The following RALGPS2 variants were observed in gnomAD, a reference collection of about 807,000 sequenced individuals.
RALGPS2 encodes ras-specific guanine nucleotide-releasing factor RalGPS2.
A neutral mutation model predicts 86.8 loss-of-function variants in RALGPS2; 43 were observed. That is an observed-to-expected ratio of 0.50 (90% CI 0.39 to 0.64). The LOEUF (loss-of-function observed/expected upper bound fraction) is 0.64. Among genes scored for constraint, RALGPS2 ranks in the 30% least tolerant of loss-of-function variants. RALGPS2 has a pLI of 0.00. For missense variants in RALGPS2, 536 were observed against 694.6 expected, an observed-to-expected ratio of 0.77 and a Z score of 2.57; for synonymous variants, 243 against 231.3, an observed-to-expected ratio of 1.05 and a Z score of -0.46.
At position 178,916,659 on chromosome 1, in the gene RALGPS2, G is replaced by A. The variant is rs1322145947; in HGVS notation, c.*300G>A. ...ACCAACATGAAACACCAAATAGTGT[G>A]TGTGAATCTTCTGGCGGTGCTGTGC... On this transcript the variant is annotated 3_prime_UTR_variant, in exon 20 of 20. Transcript: ENST00000367635. 1 of 348,838 alleles carries A rather than the reference G, an allele frequency of 2.9e-6. No homozygotes were observed. Among genetic ancestry groups the A allele is most frequent in the Non-Finnish European group, 5.1e-6 (1 of 195,930 alleles). The allele number at this position is 348,838 out of a possible 1,614,324, so 21.6% of individuals were successfully genotyped here.
chr1:178,905,859 C>G (rs1328793236), intron 18 of RALGPS2, among the ~76,000 whole-genome samples: 1 of 152,066 alleles, frequency 6.6e-6, no homozygotes, highest in African/African-American at 2.4e-5. Context: ...AAATGAATAT[C>G]TAATTTCTTA....
At chr1:178,728,173 C>T (rs77229806) in intron 1 of RALGPS2, among the ~76,000 whole-genome samples, 123 of 152,136 alleles carry the variant, frequency 8.1e-4, no homozygotes, top group Non-Finnish European at 1.5e-3. Context: ...AATATTCTCT[C>T]GGCATTTATT....
intron 18 of RALGPS2, among the ~76,000 whole-genome samples, 175 bp downstream of exon 18, chr1:178,902,386 G>C (rs1039428883): frequency 3.9e-5 from 6 of 152,024 alleles, no homozygotes; most frequent in African/African-American, 4.8e-5. Flanking sequence ...TATTTGTGTA[G>C]TTTTATCTAT....
chr1:178,884,066 G>A (rs1314169434), intron 11 of RALGPS2, among the ~76,000 whole-genome samples: 1 of 152,070 alleles, frequency 6.6e-6, no homozygotes, highest in Non-Finnish European at 1.5e-5. Context: ...ATAGATAGAT[G>A]CAACAGATGG....
intron 1 of RALGPS2, among the ~76,000 whole-genome samples, chr1:178,754,769 C>T (rs1479716523): frequency 6.6e-6 from 1 of 152,156 alleles, no homozygotes; most frequent in Non-Finnish European, 1.5e-5. Context: ...TCCTATATAC[C>T]TTCTACTAAA....
At chr1:178,738,248 G>A (rs1356084586) in intron 1 of RALGPS2, among the ~76,000 whole-genome samples, 4 of 125,240 alleles carry the variant, frequency 3.2e-5, no homozygotes, top group East Asian at 2.4e-4. Context: ...TCACTCTGTC[G>A]CCCAGGCTGG....
intron 19 of RALGPS2, among the ~76,000 whole-genome samples, chr1:178,911,593 A>C (rs1660628418): frequency 6.6e-6 from 1 of 152,114 alleles, no homozygotes; most frequent in South Asian, 2.1e-4. Flanking sequence ...GTATGATTTC[A>C]ATTTTTTTGA....
chr1:178,809,470 T>C (rs1440517995), intron 5 of RALGPS2, among the ~76,000 whole-genome samples: 1 of 152,150 alleles, frequency 6.6e-6, no homozygotes, highest in Non-Finnish European at 1.5e-5. Context: ...TATTTCCTTA[T>C]TTGTTTTTGA....
At chr1:178,885,570 A>G (rs1659446318) in intron 12 of RALGPS2, 4 of 192,546 alleles carry the variant, frequency 2.1e-5, no homozygotes, top group Non-Finnish European at 4.2e-5. Flanking sequence ...TAACAGCTAT[A>G]AAAATTATTT....
At chr1:178,875,662 C>T (rs1195562375) in intron 8 of RALGPS2, among the ~76,000 whole-genome samples, 2 of 151,944 alleles carry the variant, frequency 1.3e-5, no homozygotes, top group Non-Finnish European at 2.9e-5. Flanking sequence ...GCACAAGAAT[C>T]ACTTGAACCC....
chr1:178,742,470 A>G (rs1651089848), intron 1 of RALGPS2, among the ~76,000 whole-genome samples: 1 of 152,200 alleles, frequency 6.6e-6, no homozygotes, highest in Non-Finnish European at 1.5e-5. Flanking sequence ...ACAAAAACGG[A>G]TAGTATTCAA....
intron 1 of RALGPS2, among the ~76,000 whole-genome samples, chr1:178,770,522 T>TTTTTC (rs1298263764): frequency 6.7e-6 from 1 of 150,018 alleles, no homozygotes; most frequent in Non-Finnish European, 1.5e-5. Flanking sequence ...TTTTTTTTTT[T>TTTTTC]TTTTCTGAGA....
chr1:178,907,589 C>T (rs192563676), intron 19 of RALGPS2, among the ~76,000 whole-genome samples: 51 of 152,246 alleles, frequency 3.3e-4, no homozygotes, highest in African/African-American at 7.2e-5. Flanking sequence ...AGTTGAACCA[C>T]AGATTGGTAG....
intron 1 of RALGPS2, among the ~76,000 whole-genome samples, chr1:178,743,811 T>G (rs372353729): frequency 5.9e-5 from 9 of 152,110 alleles, no homozygotes; most frequent in African/African-American, 2.2e-4. Context: ...ATATACAACC[T>G]GAAATAACCC....
chr1:178,851,817 T>G lies in RALGPS2; in HGVS notation c.607+18267T>G, dbSNP rs201841672. On this transcript the variant is annotated intron_variant, in intron 8 of 19. Coordinates refer to ENST00000367635, the MANE Select transcript of RALGPS2 (RefSeq NM_152663.5). ...TGTAAAATTGGTTAAAATAGAGACC[T>G]GTGTGCTGTTTGCCAAAATACAGCT... 1.4e-4 allele frequency among the ~76,000 whole-genome samples: 21 copies of G among 152,262 alleles called. No homozygotes were observed. The East Asian group carries it at 1.9e-3, about 14-fold the overall frequency.
At chr1:178,740,489 C>T (rs947498014) in intron 1 of RALGPS2, among the ~76,000 whole-genome samples, 1 of 152,114 alleles carries the variant, frequency 6.6e-6, no homozygotes, top group Admixed American at 6.6e-5. Context: ...GGAGCTGAAG[C>T]TGCAAAGATG....
chr1:178,840,964 C>T (rs1195219047), intron 8 of RALGPS2, among the ~76,000 whole-genome samples: 2 of 152,000 alleles, frequency 1.3e-5, no homozygotes, highest in East Asian at 1.9e-4. Context: ...AAGTTGAATC[C>T]CTGAATAGAC....
intron 6 of RALGPS2, among the ~76,000 whole-genome samples, chr1:178,817,273 A>G (rs540156505): frequency 2.4e-4 from 36 of 148,170 alleles, no homozygotes; most frequent in African/African-American, 8.4e-4. Flanking sequence ...TGAACCTGGA[A>G]GGCAGAGTTT....
Position 178,889,692 on chromosome 1 carries a change from GA to G in RALGPS2, c.1246del (p.Arg416GlyfsTer11). The G allele has an allele frequency of 6.2e-7, 1 of 1,603,086 alleles. No homozygotes were observed. Among genetic ancestry groups the G allele is most frequent in the Non-Finnish European group, 8.5e-7 (1 of 1,173,372 alleles). ...LSEETSWPAFERNRLYHSLGP... is the reference protein window; with the variant it reads ...LSEETSWPAFXRNRLYHSLGP... ...TGAAGAGACCTCATGGCCTGCTTTT[GA>G]AAGGTAAGATAAATTGTCCATTTGA... is the stretch of plus-strand genomic sequence containing the variant. On this transcript the variant is annotated frameshift_variant, in exon 14 of 20. Coordinates refer to ENST00000367635, the MANE Select transcript of RALGPS2 (RefSeq NM_152663.5). LOFTEE classifies it high-confidence loss of function.
Sources: gnomAD v4.1 joint callset for allele counts (sites outside exome capture counted in the v4.1 genomes callset) on GRCh38, gnomAD v4.1.1 for gene constraint, MANE v1.5 for transcripts, NCBI Gene and HGNC (gene_info 2026-07-23, HGNC 2026-07-21) for gene names.